The following KCNIP3 variants were observed in gnomAD, a reference collection of about 807,000 sequenced individuals.
The protein encoded by KCNIP3 is calsenilin.
Under a neutral mutation model 35.0 loss-of-function variants are expected in KCNIP3, and 28 were observed. That is an observed-to-expected ratio of 0.80 (90% CI 0.59 to 1.10). The LOEUF (loss-of-function observed/expected upper bound fraction) is 1.10. Among genes scored for constraint, KCNIP3 ranks in the 50% least tolerant of loss-of-function variants. KCNIP3 has a pLI of 0.00. For missense variants in KCNIP3, 295 were observed against 338.4 expected, an observed-to-expected ratio of 0.87 and a Z score of 1.01; for synonymous variants, 134 against 133.8, an observed-to-expected ratio of 1.00 and a Z score of -0.01.
intron 1 of KCNIP3, among the ~76,000 whole-genome samples, chr2:95,306,281 C>T (rs368394632): frequency 1.9e-4 from 29 of 152,104 alleles, no homozygotes; most frequent in African/African-American, 6.3e-4. Context: ...TTGCCATCCA[C>T]GTGTCCTCTC....
intron 2 of KCNIP3, among the ~76,000 whole-genome samples, chr2:95,329,012 C>T (rs1298914896): frequency 6.6e-6 from 1 of 152,146 alleles, no homozygotes; most frequent in African/African-American, 2.4e-5. Context: ...CCCAGCGGTT[C>T]CTAGGAAAGG....
chr2:95,340,480 G>A (rs1325599226), intron 2 of KCNIP3, among the ~76,000 whole-genome samples: 4 of 152,230 alleles, frequency 2.6e-5, no homozygotes, highest in South Asian at 2.1e-4. Context: ...ATGGTCACAC[G>A]TGTAGCTAAG....
At chr2:95,314,004 C>T (rs1303581233) in intron 2 of KCNIP3, 2 of 152,210 alleles carry the variant, frequency 1.3e-5, no homozygotes, top group Non-Finnish European at 2.9e-5. Context: ...CACACGCATA[C>T]TTACACACAC....
chr2:95,381,580 T>C lies in KCNIP3; in HGVS notation c.448-16T>C, dbSNP rs763181243. 1.3e-6 allele frequency: 2 copies of C among 1,593,156 alleles called. No individual in the cohort carries two copies. The highest frequency in any genetic ancestry group is 2.2e-5 in the South Asian group (2 of 90,592). On this transcript the variant is annotated splice_polypyrimidine_tract_variant and intron_variant, in intron 5 of 8. Transcript: ENST00000295225. Reference sequence around the variant, plus strand: ...ATTGATTGGATGTCACGCCCCACACTCTCCTTTCCCCATAGGACTTTGTGG... The same window carrying C: ...ATTGATTGGATGTCACGCCCCACACCCTCCTTTCCCCATAGGACTTTGTGG...
intron 5 of KCNIP3, among the ~76,000 whole-genome samples, chr2:95,379,111 C>T (rs1192484898): frequency 2.6e-5 from 4 of 152,160 alleles, no homozygotes; most frequent in East Asian, 1.9e-4. Flanking sequence ...AGACATACAA[C>T]GTTCCCGTCC....
intron 1 of KCNIP3, among the ~76,000 whole-genome samples, chr2:95,302,256 C>T (rs1678054804): frequency 6.6e-6 from 1 of 152,174 alleles, no homozygotes; most frequent in Non-Finnish European, 1.5e-5. Context: ...TCGGTGAAGC[C>T]CTTCCGGAAA....
chr2:95,356,356 G>T (rs1364810167), intron 2 of KCNIP3, among the ~76,000 whole-genome samples: 3 of 152,158 alleles, frequency 2.0e-5, no homozygotes, highest in African/African-American at 7.2e-5. Context: ...AGTTTACTTA[G>T]ATCCCATTTG....
chr2:95,309,793 G>C (rs1263501083), intron 1 of KCNIP3, among the ~76,000 whole-genome samples: 2 of 152,302 alleles, frequency 1.3e-5, no homozygotes, highest in Non-Finnish European at 2.9e-5. Flanking sequence ...AGCTGGAGCT[G>C]TTTCTTCAGA....
chr2:95,347,003 A>C, intron 2 of KCNIP3: 1 of 1,585,214 alleles, frequency 6.3e-7, no homozygotes, highest in Non-Finnish European at 8.6e-7. Context: ...CCAGGGCCCC[A>C]GGCAGCCCGG....
intron 2 of KCNIP3, among the ~76,000 whole-genome samples, chr2:95,346,372 C>T (rs1264693564): frequency 6.6e-6 from 1 of 151,564 alleles, no homozygotes; most frequent in Non-Finnish European, 1.5e-5. Context: ...AAACCGCCGA[C>T]CGCGCGGCCT....
chr2:95,381,867 G>A (rs147900991), intron 6 of KCNIP3, among the ~76,000 whole-genome samples, 164 bp downstream of exon 6: 131 of 152,304 alleles, frequency 8.6e-4, no homozygotes, highest in Non-Finnish European at 1.2e-3. Flanking sequence ...CCTCTCCTGG[G>A]CTCGGTCCTG....
intron 2 of KCNIP3, among the ~76,000 whole-genome samples, chr2:95,354,067 G>T (rs577595943): frequency 6.6e-6 from 1 of 152,204 alleles, no homozygotes; most frequent in Non-Finnish European, 1.5e-5. Context: ...GCCACTTCAC[G>T]TGGACAAGTC....
Position 95,310,517 on chromosome 2 carries a change from TCAGGTAG to T in KCNIP3, c.179_181+4del. 6.2e-7 allele frequency: 1 copy of T among 1,605,632 alleles called. No individual in the cohort carries two copies. The highest frequency in any genetic ancestry group is 1.7e-5 in the Admixed American group (1 of 59,120). ...CCTGTCCAGCACAGCCCCACAGGGC[TCAGGTAG>T]GGGCCAGGGTGGGCTGTGGTCAAGG... On this transcript the variant is annotated splice_donor_variant and splice_donor_region_variant and coding_sequence_variant and intron_variant, in exon 2 of 9. Transcript: ENST00000295225. LOFTEE classifies it high-confidence loss of function.
intron 2 of KCNIP3, among the ~76,000 whole-genome samples, chr2:95,371,292 C>A (rs562788254): frequency 1.1e-4 from 16 of 152,146 alleles, no homozygotes; most frequent in Admixed American, 3.3e-4. Context: ...TTTTTTTAAT[C>A]ATTCAATTCA....
intron 2 of KCNIP3, chr2:95,312,005 C>T (rs1678332479): frequency 1.3e-5 from 2 of 152,248 alleles, no homozygotes; most frequent in Admixed American, 1.3e-4. Flanking sequence ...CCTGCTCTCC[C>T]TTAGGGTGGG....
chr2:95,339,138 T>C (rs1001151251), intron 2 of KCNIP3, among the ~76,000 whole-genome samples: 2 of 152,188 alleles, frequency 1.3e-5, no homozygotes, highest in Non-Finnish European at 2.9e-5. Flanking sequence ...TGGGAGTTAG[T>C]GCAGACACTG....
intron 2 of KCNIP3, among the ~76,000 whole-genome samples, chr2:95,340,711 T>C (rs974456102): frequency 6.6e-6 from 1 of 152,222 alleles, no homozygotes; most frequent in Non-Finnish European, 1.5e-5. Context: ...GACAGTATCA[T>C]GTCAGAATGT....
intron 2 of KCNIP3, among the ~76,000 whole-genome samples, chr2:95,361,813 G>A (rs1430953812): frequency 2.0e-5 from 3 of 152,220 alleles, no homozygotes; most frequent in Admixed American, 6.5e-5. Flanking sequence ...CGGCAGCGAG[G>A]AGACCCGAAT....
intron 2 of KCNIP3, among the ~76,000 whole-genome samples, chr2:95,331,367 G>A (rs1297438281): frequency 6.6e-6 from 1 of 152,154 alleles, no homozygotes; most frequent in Non-Finnish European, 1.5e-5. Context: ...CTGGCCTGGC[G>A]TGAGGGGAGG....
Sources: gnomAD v4.1 joint callset for allele counts (sites outside exome capture counted in the v4.1 genomes callset) on GRCh38, gnomAD v4.1.1 for gene constraint, MANE v1.5 for transcripts, NCBI Gene and HGNC (gene_info 2026-07-23, HGNC 2026-07-21) for gene names.